The following PCDH15 variants were observed in gnomAD, a reference collection of about 807,000 sequenced individuals.
PCDH15 encodes protocadherin related 15.
In PCDH15, 129 loss-of-function variants were observed where a neutral mutation model predicts 178.5. The ratio of observed to expected loss-of-function variants is 0.72; its 90% CI spans 0.63 to 0.84. The LOEUF (loss-of-function observed/expected upper bound fraction) is 0.84, where lower values mean the gene tolerates loss of function less well. Ranked by LOEUF, PCDH15 falls within the 40% of genes least tolerant of loss-of-function variation. The pLI, the probability that PCDH15 is intolerant of heterozygous loss-of-function variation, is 0.00. For missense variants in PCDH15, 2,230 were observed against 2,099.9 expected, an observed-to-expected ratio of 1.06 and a Z score of -1.21; for synonymous variants, 800 against 732.0, an observed-to-expected ratio of 1.09 and a Z score of -1.50.
chr10:54,213,768 C>T (rs1389582501), intron 10 of PCDH15, among the ~76,000 whole-genome samples, 168 bp downstream of exon 10: 1 of 152,132 alleles, frequency 6.6e-6, no homozygotes, highest in East Asian at 1.9e-4. Context: ...AAAGCAATGC[C>T]ATGTATTAAA....
intron 23 of PCDH15, among the ~76,000 whole-genome samples, chr10:53,957,356 G>C (rs1310884516): frequency 6.6e-6 from 1 of 152,030 alleles, no homozygotes; most frequent in South Asian, 2.1e-4. Context: ...TCCTGTTCTT[G>C]AGAACTCCAA....
intron 8 of PCDH15, among the ~76,000 whole-genome samples, chr10:54,270,444 C>T (rs1343641537): frequency 1.3e-5 from 2 of 152,098 alleles, no homozygotes; most frequent in Admixed American, 1.3e-4. Context: ...TCCTGAATTG[C>T]ACAAACTATT....
intron 28 of PCDH15, among the ~76,000 whole-genome samples, chr10:53,851,714 A>ATG (rs2078383948): frequency 7.3e-6 from 1 of 136,560 alleles, no homozygotes; most frequent in African/African-American, 2.7e-5. Flanking sequence ...ATATATATAT[A>ATG]TATATATATT....
At chr10:54,781,229 A>G (rs935394333) in intron 1 of PCDH15, among the ~76,000 whole-genome samples, 7 of 152,040 alleles carry the variant, frequency 4.6e-5, no homozygotes, top group Admixed American at 2.6e-4. Flanking sequence ...GGTTTGTTAC[A>G]TAGGTATACA....
intron 3 of PCDH15, among the ~76,000 whole-genome samples, chr10:54,852,569 T>C (rs1953642154): frequency 6.6e-6 from 1 of 152,076 alleles, no homozygotes; most frequent in Non-Finnish European, 1.5e-5. Context: ...AAGTTTATTT[T>C]AGGCCGGGTG....
chr10:55,344,959 G>A (rs1419092534), intron 2 of PCDH15, among the ~76,000 whole-genome samples: 1 of 151,840 alleles, frequency 6.6e-6, no homozygotes, highest in Non-Finnish European at 1.5e-5. Flanking sequence ...GTATTTTATC[G>A]ACCCTCTTTA....
chr10:53,888,702 T>TATATAC (rs1554845542), intron 26 of PCDH15, among the ~76,000 whole-genome samples: 1 of 46,190 alleles, frequency 2.2e-5, no homozygotes, highest in African/African-American at 5.9e-5. Context: ...TATATATATA[T>TATATAC]ATCTCCTGTG....
intron 2 of PCDH15, among the ~76,000 whole-genome samples, chr10:55,620,399 T>G (rs1056025361): frequency 6.6e-6 from 1 of 152,070 alleles, no homozygotes; most frequent in Non-Finnish European, 1.5e-5. Flanking sequence ...TTATATTCCC[T>G]CACATTTGTA....
intron 2 of PCDH15, among the ~76,000 whole-genome samples, chr10:54,548,100 C>CAAAAAAAAAAAACCAAAAAAACCAAAAAA (rs2086075318): frequency 1.2e-5 from 1 of 83,460 alleles, no homozygotes; most frequent in South Asian, 3.6e-4. Flanking sequence ...GACTCTGTCT[C>CAAAAAAAAAAAACCAAAAAAACCAAAAAA]AAAAAAAAAA....
chr10:55,297,329 C>A (rs1052665784), intron 1 of PCDH15, among the ~76,000 whole-genome samples: 1 of 152,036 alleles, frequency 6.6e-6, no homozygotes, highest in Non-Finnish European at 1.5e-5. Context: ...TGATGATAAT[C>A]TGGATTTCAT....
chr10:55,621,390 G>C (rs374002536), intron 2 of PCDH15, among the ~76,000 whole-genome samples: 53 of 152,092 alleles, frequency 3.5e-4, no homozygotes, highest in African/African-American at 1.1e-3. Context: ...AATGGTCCCC[G>C]CACCCCAGAG....
At chr10:55,171,109 T>G (rs903954118) in intron 1 of PCDH15, among the ~76,000 whole-genome samples, 48 of 152,172 alleles carry the variant, frequency 3.2e-4, no homozygotes, top group African/African-American at 1.2e-3. Context: ...CTAGCTGTTT[T>G]TATTCAACCT....
At chr10:54,241,407 T>C (rs532475198) in intron 8 of PCDH15, among the ~76,000 whole-genome samples, 20 of 152,222 alleles carry the variant, frequency 1.3e-4, no homozygotes, top group Non-Finnish European at 1.8e-4. Context: ...TTTATTACAA[T>C]TGCTATATTT....
At chr10:55,264,923 C>T (rs887647488) in intron 1 of PCDH15, among the ~76,000 whole-genome samples, 1 of 152,112 alleles carries the variant, frequency 6.6e-6, no homozygotes, top group Non-Finnish European at 1.5e-5. Context: ...CAGACCTTTG[C>T]CAACAGTGTA....
chr10:54,018,407 T>C (rs1414701829), intron 20 of PCDH15, among the ~76,000 whole-genome samples: 1 of 63,360 alleles, frequency 1.6e-5, no homozygotes, highest in African/African-American at 6.4e-5. Flanking sequence ...TATGGAATTG[T>C]CAGTAATTAT....
intron 2 of PCDH15, among the ~76,000 whole-genome samples, chr10:55,539,313 G>A (rs1211972728): frequency 6.6e-6 from 1 of 151,736 alleles, no homozygotes; most frequent in Non-Finnish European, 1.5e-5. Flanking sequence ...AATAATTATG[G>A]TATTTACATT....
At chr10:55,125,342 G>A (rs1319346695) in intron 2 of PCDH15, among the ~76,000 whole-genome samples, 1 of 151,970 alleles carries the variant, frequency 6.6e-6, no homozygotes, top group Admixed American at 6.6e-5. Context: ...AAGGGTTTAG[G>A]CATTAACTTT....
chr10:54,251,035 C>T (rs147916581), intron 8 of PCDH15, among the ~76,000 whole-genome samples: 92 of 152,196 alleles, frequency 6.0e-4, no homozygotes, highest in African/African-American at 2.0e-3. Context: ...AATTGACAGA[C>T]GTCTTTGAGT....
chr10:55,450,683 C>T (rs1402090962), intron 2 of PCDH15, among the ~76,000 whole-genome samples: 1 of 151,938 alleles, frequency 6.6e-6, no homozygotes, highest in African/African-American at 2.4e-5. Flanking sequence ...CTTTCTGCTA[C>T]CAGGTTTTCT....
Sources: gnomAD v4.1 joint callset for allele counts (sites outside exome capture counted in the v4.1 genomes callset) on GRCh38, gnomAD v4.1.1 for gene constraint, MANE v1.5 for transcripts, NCBI Gene and HGNC (gene_info 2026-07-23, HGNC 2026-07-21) for gene names.